Variants in COMP observed in about 807,000 individuals in gnomAD.
The protein encoded by COMP is cartilage oligomeric matrix protein.
Under a neutral mutation model 95.8 loss-of-function variants are expected in COMP, and 79 were observed. The observed-to-expected ratio is 0.82, with a 90% CI of 0.69 to 0.99. The LOEUF is 0.99. Ranked by LOEUF, COMP falls within the 50% of genes least tolerant of loss-of-function variation. COMP has a pLI of 0.00. For missense variants in COMP, 906 were observed against 1,076.1 expected (o/e 0.84, Z 2.21); for synonymous variants, 438 against 433.9 (o/e 1.01, Z -0.12).
At chr19:18,785,900 C>T (rs1408527850) in intron 13 of COMP, 49 bp from the exon 14 acceptor site, 3 of 1,605,586 alleles carry the variant, frequency 1.9e-6, no homozygotes, top group Middle Eastern at 1.7e-4. Context: ...GCCCGCCCAC[C>T]GTAGACCCCG....
At position 18,784,065 on chromosome 19, in the gene COMP, T is replaced by C. The variant is rs2055146646; in HGVS notation, c.2087+126A>G. 9.2e-7 allele frequency: 1 copy of C among 1,091,338 alleles called. No homozygotes were observed. The highest frequency in any genetic ancestry group is 2.4e-5 in the East Asian group (1 of 41,220). The allele number at this position is 1,091,338 out of a possible 1,614,324, so 67.6% of individuals were successfully genotyped here. A position where few individuals can be genotyped will look rare whatever the true frequency, so the allele number is the denominator to read the frequency against. ...TGGACCAGCATAGGCTCATTCTAAC[T>C]GCCCTGTATCTTTCCTATCGTACAG... is the stretch of plus-strand genomic sequence containing the variant. On this transcript the variant is annotated intron_variant, in intron 17 of 18. Coordinates refer to ENST00000222271, the MANE Select transcript of COMP (RefSeq NM_000095.3). The surrounding 1 kb of genome is among the most constrained non-coding windows in gnomAD (Gnocchi z 4.9).
Position 18,790,948 on chromosome 19 carries a change from G to A in COMP, c.80-13C>T, listed in dbSNP as rs1234112159. On this transcript the variant is annotated splice_polypyrimidine_tract_variant and intron_variant, in intron 1 of 18. Coordinates refer to ENST00000222271, the MANE Select transcript of COMP (RefSeq NM_000095.3). ...CCCAGGTCTGAGCCTGCGGCGGCAG[G>A]GGACCTGGTGAGGCGTCATGGGGCC... is the stretch of plus-strand genomic sequence containing the variant. 6.4e-7 allele frequency: 1 copy of A among 1,552,308 alleles called. No homozygotes were observed. The highest frequency in any genetic ancestry group is 8.7e-7 in the Non-Finnish European group (1 of 1,149,214).
Position 18,785,986 on chromosome 19 carries a change from G to C in COMP, c.1468C>G (p.Pro490Ala). The C allele has an allele frequency of 1.2e-6, 2 of 1,612,544 alleles. No individual in the cohort carries two copies. Among genetic ancestry groups the C allele is most frequent in the Non-Finnish European group, 1.7e-6 (2 of 1,179,834 alleles). The part of the protein sequence containing the change: ...SRDNCRLVPN[P>A]GQEDADRDGV... ...GTACTGTCCGCGTCCTCCTGGCCGG[G>C]GTTAGGCACCAGGCGGCAGTTGTCC... is the stretch of plus-strand genomic sequence containing the variant. Residue 490 changes from proline (P) to alanine (A), a missense_variant, in exon 13 of 19, where the codon CCC (proline) becomes GCC (alanine). Coordinates refer to ENST00000222271, the MANE Select transcript of COMP (RefSeq NM_000095.3).
At position 18,784,600 on chromosome 19, in the gene COMP, G is replaced by A. The variant is rs2055151849; in HGVS notation, c.1915-237C>T. On this transcript the variant is annotated intron_variant, in intron 16 of 18. Coordinates refer to ENST00000222271, the MANE Select transcript of COMP (RefSeq NM_000095.3). The surrounding 1 kb of genome is among the most constrained non-coding windows in gnomAD (Gnocchi z 4.9). ...TTGGGAGTCCGTGGACAGATTCAGG[G>A]TCTGGGAGGATGGGGGGCTCTGCAG... 6.6e-6 allele frequency among the ~76,000 whole-genome samples: 1 copy of A among 152,168 alleles called. No homozygotes were observed. The highest frequency in any genetic ancestry group is 1.5e-5 in the Non-Finnish European group (1 of 68,030).
At position 18,788,196 on chromosome 19, in the gene COMP, C is replaced by T. The variant is rs1458469664; in HGVS notation, c.975+16G>A. The T allele has an allele frequency of 6.2e-7, 1 of 1,607,176 alleles. No individual in the cohort carries two copies. Among genetic ancestry groups the T allele is most frequent in the Non-Finnish European group, 8.5e-7 (1 of 1,175,182 alleles). ...GGATTACAGGAGTGAACCACCGTGCCGAGCCGTAGATCTACCTTTTCATTG... is the reference window on the plus strand; with the variant it reads ...GGATTACAGGAGTGAACCACCGTGCTGAGCCGTAGATCTACCTTTTCATTG... On this transcript the variant is annotated intron_variant, in intron 9 of 18. Transcript: ENST00000222271. This position sits in a 1 kb window ranked among gnomAD's most constrained non-coding sequence, Gnocchi z 4.7.
intron 10 of COMP, among the ~76,000 whole-genome samples, 175 bp downstream of exon 10, chr19:18,787,316 G>A (rs1480528208): frequency 6.6e-6 from 1 of 152,196 alleles, no homozygotes; most frequent in East Asian, 1.9e-4. Context: ...GTTTTTCCTG[G>A]CCTTGCAGCC....
At position 18,784,407 on chromosome 19, in the gene COMP, C is replaced by G. The variant is rs1300568141; in HGVS notation, c.1915-44G>C. 1 of 1,610,830 alleles carries G rather than the reference C, an allele frequency of 6.2e-7. No homozygotes were observed. Among genetic ancestry groups the G allele is most frequent in the South Asian group, 1.1e-5 (1 of 90,926 alleles). ...GGTGGTCAGAGACCTCGTGGGCCAC[C>G]GGAGCCCCCCTAGACACCTTCCTGG... is the stretch of plus-strand genomic sequence containing the variant. On this transcript the variant is annotated intron_variant, in intron 16 of 18. Transcript: ENST00000222271. This position sits in a 1 kb window ranked among gnomAD's most constrained non-coding sequence, Gnocchi z 4.9.
chr19:18,786,682 A>T, intron 10 of COMP, 32 bp from the exon 11 acceptor site: 1 of 1,473,180 alleles, frequency 6.8e-7, no homozygotes, highest in Non-Finnish European at 9.2e-7. Context: ...GAGCCCCAAG[A>T]TTGGGACCAG....
Position 18,786,226 on chromosome 19 carries a change from G to A in COMP, c.1307+13C>T, listed in dbSNP as rs2055166352. 3.1e-6 allele frequency: 5 copies of A among 1,614,144 alleles called. No individual in the cohort carries two copies. Among genetic ancestry groups the A allele is most frequent in the Non-Finnish European group, 3.4e-6 (4 of 1,180,038 alleles). Reference sequence around the variant, plus strand: ...AAGGCTACCCGGACGCCCACCCCAGGTGGCCTCCTTACTGGTCTTGATCGC... The same window carrying A: ...AAGGCTACCCGGACGCCCACCCCAGATGGCCTCCTTACTGGTCTTGATCGC... On this transcript the variant is annotated intron_variant, in intron 12 of 18. Coordinates refer to ENST00000222271, the MANE Select transcript of COMP (RefSeq NM_000095.3).
Position 18,788,867 on chromosome 19 carries a change from A to G in COMP, c.575T>C (p.Val192Ala), listed in dbSNP as rs1568556494. The change falls in exon 6 of 19, where the codon GTC becomes GCC. Residue 192 changes from valine to alanine, a missense_variant. Val to Ala is a moderately conservative substitution (Grantham distance 64, BLOSUM62 0). Coordinates refer to ENST00000222271, the MANE Select transcript of COMP (RefSeq NM_000095.3). This position sits in a 1 kb window ranked among gnomAD's most constrained non-coding sequence, Gnocchi z 4.7. ...NECETGQHNC[V>A]PNSVCINTRG... ...GGTGTTGATGCACACGGAGTTGGGG[A>G]CGCAGTTATGTTGCCCGGTCTCACA... The G allele has an allele frequency of 6.2e-7, 1 of 1,613,856 alleles. No homozygotes were observed. The highest frequency in any genetic ancestry group is 2.2e-5 in the East Asian group (1 of 44,872).
chr19:18,786,310 G>C lies in COMP; in HGVS notation c.1255-19C>G. On this transcript the variant is annotated intron_variant, in intron 11 of 18. Transcript: ENST00000222271. Reference sequence around the variant, plus strand: ...CATCCGCCTGCGGAGGGCAGCATGCGGGGGTCCATAATCAGACAGAGGAAA... The same window carrying C: ...CATCCGCCTGCGGAGGGCAGCATGCCGGGGTCCATAATCAGACAGAGGAAA... 3 of 1,613,618 alleles carry C rather than the reference G, an allele frequency of 1.9e-6. No homozygotes were observed. The highest frequency in any genetic ancestry group is 2.5e-6 in the Non-Finnish European group (3 of 1,180,008).
Position 18,787,606 on chromosome 19 carries a change from G to A in COMP, c.1020C>T (p.Asp340=). ...CGCACGCATCGCCCCACTTGTCCTC[G>A]TCCGTGTTGCGCTGGTCTGGGTTCC... is the stretch of plus-strand genomic sequence containing the variant. The part of the protein sequence containing the change: ...LVRNPDQRNT[D]EDKWGDACDN... The change falls in exon 10 of 19, where the codon GAC becomes GAT. Residue 340 remains aspartate (D), a synonymous_variant. Coordinates refer to ENST00000222271, the MANE Select transcript of COMP (RefSeq NM_000095.3). 2 of 1,614,012 alleles carry A rather than the reference G, an allele frequency of 1.2e-6. No individual in the cohort carries two copies.
rs746578492 is a variant in COMP, at chr19:18,786,520, G to T, written c.1254+12C>A. ...AGAGGGCTTACCCAGCTGGAGTCTGGCCTGCCCTCACCTGATCCGGGTTGC... is the reference window on the plus strand; with the variant it reads ...AGAGGGCTTACCCAGCTGGAGTCTGTCCTGCCCTCACCTGATCCGGGTTGC... On this transcript the variant is annotated intron_variant, in intron 11 of 18. Transcript: ENST00000222271. 1 of 1,609,358 alleles carries T rather than the reference G, an allele frequency of 6.2e-7. No homozygotes were observed. The highest frequency in any genetic ancestry group is 1.7e-5 in the Admixed American group (1 of 60,018).
intron 9 of COMP, among the ~76,000 whole-genome samples, chr19:18,787,895 TTTCTTTCTTTC>T (rs2055180921): frequency 6.9e-6 from 1 of 144,860 alleles, no homozygotes; most frequent in Non-Finnish European, 1.5e-5. Flanking sequence ...TCTTTCTTTC[TTTCTTTCTTTC>T]TTTCTTTCTT....
At chr19:18,790,762 C>T in intron 2 of COMP, 88 bp downstream of exon 2, 1 of 1,597,212 alleles carries the variant, frequency 6.3e-7, no homozygotes, top group Non-Finnish European at 8.5e-7. Context: ...CTCCTCTCCA[C>T]CTTCTCGGGT....
Position 18,785,709 on chromosome 19 carries a change from G to A in COMP, c.1632C>T (p.Asp544=), listed in dbSNP as rs566112479. 5.0e-6 allele frequency: 8 copies of A among 1,613,246 alleles called. No homozygotes were observed. The highest frequency in any genetic ancestry group is 6.8e-6 in the Non-Finnish European group (8 of 1,180,026). The change falls in exon 14 of 19, where the codon GAC becomes GAT. Residue 544 remains aspartate (D), a synonymous_variant. Transcript: ENST00000222271. Reference sequence around the variant, plus strand: ...CCACCCAGTTGGGGTCAATCTGCGCGTCACCCTCCGGGTCCAGCACGACTG... The same window carrying A: ...CCACCCAGTTGGGGTCAATCTGCGCATCACCCTCCGGGTCCAGCACGACTG... ...FQTVVLDPEG[D]AQIDPNWVVL... is the part of the protein sequence containing the mutation.
intron 10 of COMP, 162 bp from the exon 11 acceptor site, chr19:18,786,812 A>C (rs2055171501): frequency 1.9e-6 from 1 of 524,618 alleles, no homozygotes; most frequent in Non-Finnish European, 3.2e-6. Flanking sequence ...TCATTGTGTC[A>C]CTCAGGCTGG....
rs780535926 is a variant in COMP, at chr19:18,788,388, G to T, written c.867+22C>A. On this transcript the variant is annotated intron_variant, in intron 8 of 18. Transcript: ENST00000222271. The surrounding 1 kb of genome is among the most constrained non-coding windows in gnomAD (Gnocchi z 4.7). ...CCCGCCCTCCCTCCTGCCCAAGCCC[G>T]CCCCGCTCCGCCCCCACCCACCTTA... The T allele has an allele frequency of 2.3e-6, 2 of 873,358 alleles. No homozygotes were observed. The highest frequency in any genetic ancestry group is 1.9e-5 in the African/African-American group (1 of 53,218). The allele number at this position is 873,358 out of a possible 1,614,324, so 54.1% of individuals were successfully genotyped here. A position where few individuals can be genotyped will look rare whatever the true frequency, so the allele number is the denominator to read the frequency against.
rs1252611211 is a variant in COMP, at chr19:18,788,613, G to A, written c.741C>T (p.Arg247=). The A allele has an allele frequency of 6.4e-7, 1 of 1,550,610 alleles. No individual in the cohort carries two copies. The highest frequency in any genetic ancestry group is 2.4e-5 in the East Asian group (1 of 40,970). ...TCACCACGCACGACCGCGAGCCATC[G>A]CGCTCTAGGACGCAGTCTGCATGCT... ...CHEHADCVLE[R]DGSRSCVCAV... The change falls in exon 7 of 19, where the codon CGC becomes CGT. Residue 247 remains arginine, a synonymous_variant. Coordinates refer to ENST00000222271, the MANE Select transcript of COMP (RefSeq NM_000095.3). The surrounding 1 kb of genome is among the most constrained non-coding windows in gnomAD (Gnocchi z 4.7).
Sources: allele counts gnomAD v4.1 joint callset (sites outside exome capture counted in the v4.1 genomes callset), GRCh38; gene constraint gnomAD v4.1.1; non-coding constraint Gnocchi (gnomAD v3.1); transcripts MANE v1.5; gene names NCBI Gene and HGNC (gene_info 2026-07-23, HGNC 2026-07-21).